GPHN: variants seen among roughly 807,000 people sequenced by gnomAD.
GPHN encodes gephyrin.
GPHN carries 17 observed loss-of-function variants against 95.5 expected under a neutral mutation model. The observed-to-expected ratio is 0.18, with a 90% confidence interval of 0.12 to 0.27. The LOEUF is 0.27. Ranked by LOEUF, GPHN falls within the 10% of genes least tolerant of loss-of-function variation. GPHN has a pLI of 1.00. For missense variants in GPHN, 660 were observed against 978.1 expected (o/e 0.67, Z 4.34); for synonymous variants, 320 against 322.5 (o/e 0.99, Z 0.08).
the GPHN span, among the ~76,000 whole-genome samples, chr14:67,535,881 A>G: frequency 6.6e-6 from 1 of 152,244 alleles, no homozygotes; most frequent in Non-Finnish European, 1.5e-5. Context: ...AAATGGTTAA[A>G]TGACGGTTTC....
At chr14:67,699,789 T>C in the GPHN span, among the ~76,000 whole-genome samples, 1 of 152,126 alleles carries the variant, frequency 6.6e-6, no homozygotes, top group African/African-American at 2.4e-5. Context: ...GTAATATGAT[T>C]GTTTTTCTTT....
chr14:66,700,848 G>A (rs1044014957), intron 2 of GPHN, among the ~76,000 whole-genome samples: 1 of 152,064 alleles, frequency 6.6e-6, no homozygotes, highest in Admixed American at 6.5e-5. Flanking sequence ...GCTTGAATCC[G>A]GAGACAGGGG....
At chr14:67,186,759 C>A (rs2083371132), downstream of GPHN, among the ~76,000 whole-genome samples, 2 of 152,220 alleles carry the variant, frequency 1.3e-5, no homozygotes, top group African/African-American at 4.8e-5. Flanking sequence ...TTTCCAACCT[C>A]ATCTGGTCTA....
At chr14:67,052,115 C>T (rs962565297) in intron 10 of GPHN, among the ~76,000 whole-genome samples, 20 of 152,076 alleles carry the variant, frequency 1.3e-4, no homozygotes, top group African/African-American at 4.6e-4. Context: ...ATATATTAAC[C>T]TTAAATGTAA....
At chr14:66,788,516 A>T (rs2059862765) in intron 3 of GPHN, among the ~76,000 whole-genome samples, 1 of 152,254 alleles carries the variant, frequency 6.6e-6, no homozygotes, top group East Asian at 1.9e-4. Context: ...TAACATATTT[A>T]TACAAATGCA....
At chr14:67,048,098 C>T (rs1222440371) in intron 10 of GPHN, among the ~76,000 whole-genome samples, 1 of 152,164 alleles carries the variant, frequency 6.6e-6, no homozygotes, top group Non-Finnish European at 1.5e-5. Flanking sequence ...TGATAGATAA[C>T]AAAGATCCAT....
the GPHN span, chr14:67,659,932 C>A: frequency 6.2e-7 from 1 of 1,610,866 alleles, no homozygotes; most frequent in Non-Finnish European, 8.5e-7. Flanking sequence ...GCTGGGAAGG[C>A]AGAAAGTAGT....
the GPHN span, chr14:67,201,365 C>A: frequency 2.3e-6 from 1 of 437,264 alleles, no homozygotes; most frequent in South Asian, 1.6e-5. Flanking sequence ...GTGAAAGAGC[C>A]CCAGGGCATC....
At chr14:66,589,482 A>T (rs1028047656) in intron 1 of GPHN, among the ~76,000 whole-genome samples, 1 of 152,148 alleles carries the variant, frequency 6.6e-6, no homozygotes, top group Non-Finnish European at 1.5e-5. Flanking sequence ...TGCTGTATTT[A>T]GGAGACTGAT....
intron 9 of GPHN, 74 bp downstream of exon 9, chr14:66,965,399 T>G: frequency 7.4e-7 from 1 of 1,346,036 alleles, no homozygotes; most frequent in East Asian, 2.3e-5. Flanking sequence ...TATTTCCTCC[T>G]GCTTGTCAAG....
the GPHN span, among the ~76,000 whole-genome samples, chr14:67,357,011 A>G: frequency 6.6e-5 from 10 of 152,204 alleles, no homozygotes; most frequent in Non-Finnish European, 1.3e-4. Context: ...TTTTCCTCCT[A>G]GGGAATGGCA....
chr14:67,146,562 T>G (rs1462478590), intron 18 of GPHN, among the ~76,000 whole-genome samples: 1 of 152,198 alleles, frequency 6.6e-6, no homozygotes, highest in African/African-American at 2.4e-5. Flanking sequence ...TCTCTTAAGT[T>G]TTGCTAATAG....
chr14:66,970,885 TG>T (rs2069713944), intron 9 of GPHN, among the ~76,000 whole-genome samples: 1 of 152,184 alleles, frequency 6.6e-6, no homozygotes, highest in South Asian at 2.1e-4. Flanking sequence ...TTACCTCATC[TG>T]GGGGGTGTTG....
At chr14:67,302,582 G>T in the GPHN span, 2 of 1,456,742 alleles carry the variant, frequency 1.4e-6, no homozygotes, top group Non-Finnish European at 9.1e-7. Context: ...GTAAGTTGAC[G>T]CAGCTAGAAG....
At chr14:67,345,102 T>C in the GPHN span, among the ~76,000 whole-genome samples, 1 of 149,462 alleles carries the variant, frequency 6.7e-6, no homozygotes, top group Non-Finnish European at 1.5e-5. Context: ...ATTAGCTAGG[T>C]GTGATGGGGC....
At chr14:66,920,533 C>CT (rs753181787) in intron 6 of GPHN, among the ~76,000 whole-genome samples, 1,897 of 138,082 alleles carry the variant, frequency 0.014, 30 homozygotes, top group East Asian at 0.088. Context: ...GCAGTGCATG[C>CT]TTTTTTTTTT....
At chr14:67,297,856 T>A in the GPHN span, among the ~76,000 whole-genome samples, 1 of 152,208 alleles carries the variant, frequency 6.6e-6, no homozygotes, top group Non-Finnish European at 1.5e-5. Flanking sequence ...TACAATTCTA[T>A]CTTCATTGAG....
the GPHN span, chr14:67,446,205 C>A: frequency 2.7e-6 from 1 of 364,416 alleles, no homozygotes; most frequent in Non-Finnish European, 5.3e-6. Context: ...TCTTGGGCTT[C>A]AGTTTTCTCA....
the GPHN span, among the ~76,000 whole-genome samples, chr14:67,205,982 G>A: frequency 3.3e-5 from 5 of 152,136 alleles, no homozygotes; most frequent in Non-Finnish European, 5.9e-5. Flanking sequence ...TTGGGAGTTC[G>A]AGACCAGCCT....
Sources: allele counts gnomAD v4.1 joint callset (sites outside exome capture counted in the v4.1 genomes callset), GRCh38; gene constraint gnomAD v4.1.1; transcripts MANE v1.5; gene names NCBI Gene and HGNC (gene_info 2026-07-23, HGNC 2026-07-21).